Variants in SCLY observed in about 807,000 individuals in gnomAD.
SCLY encodes the protein selenocysteine lyase.
Under a neutral mutation model 50.1 loss-of-function variants are expected in SCLY, and 38 were observed. The ratio of observed to expected loss-of-function variants is 0.76; its 90% CI spans 0.59 to 0.99. SCLY has a LOEUF of 0.99. Among genes scored for constraint, SCLY ranks in the 50% least tolerant of loss-of-function variants. The pLI, the probability that SCLY is intolerant of heterozygous loss-of-function variation, is 0.00. For missense variants in SCLY, 600 were observed against 620.0 expected, an observed-to-expected ratio of 0.97 and a Z score of 0.34; for synonymous variants, 243 against 249.4, an observed-to-expected ratio of 0.97 and a Z score of 0.24.
In SCLY at chr2:238,064,433, G is replaced by A; in HGVS notation, c.166G>A (p.Glu56Lys). 1 of 1,610,308 alleles carries A rather than the reference G, an allele frequency of 6.2e-7. No individual in the cohort carries two copies. Among genetic ancestry groups the A allele is most frequent in the Non-Finnish European group, 8.5e-7 (1 of 1,178,478 alleles). The change falls in exon 2 of 12, where the codon GAA becomes AAA. Residue 56 changes from glutamate to lysine, a missense_variant. Transcript: ENST00000254663. ...CCAGGCCATGACCAAGGCCATGTGG[G>A]AAGCCTGGGGAAATCCCAGCAGCCC... is the stretch of plus-strand genomic sequence containing the variant. ...VIQAMTKAMW[E>K]AWGNPSSPYS...
intron 3 of SCLY, among the ~76,000 whole-genome samples, chr2:238,068,713 T>C (rs887527470): frequency 6.6e-6 from 1 of 152,252 alleles, no homozygotes; most frequent in African/African-American, 2.4e-5. Flanking sequence ...TCCCCGTCAT[T>C]GTTGCCCTGG....
rs1691345678 is a variant in SCLY, at chr2:238,098,647, G to GAACCGCCCACATA, written c.*292_*293insAACCGCCCACATA. The GAACCGCCCACATA allele has an allele frequency of 1.2e-3, 234 of 200,358 alleles. 11 individuals carry two copies. Among genetic ancestry groups the GAACCGCCCACATA allele is most frequent in the Non-Finnish European group, 1.5e-3 (163 of 109,294 alleles). The allele number at this position is 200,358 out of a possible 1,614,324, so 12.4% of individuals were successfully genotyped here. A position where few individuals can be genotyped will look rare whatever the true frequency, so the allele number is the denominator to read the frequency against. The stretch of plus-strand genomic sequence containing the variant: ...ACCGCCCACATGGGACCGCCCACAT[G>GAACCGCCCACATA]GGACCGCCCACATAGAACCGTCCTC... On this transcript the variant is annotated 3_prime_UTR_variant, in exon 12 of 12. Transcript: ENST00000254663.
At chr2:238,096,750 G>A in intron 10 of SCLY, 51 bp from the exon 11 acceptor site, 1 of 1,567,516 alleles carries the variant, frequency 6.4e-7, no homozygotes, top group East Asian at 2.4e-5. Context: ...AGGGACAGAA[G>A]GGCAACCTGG....
chr2:238,097,215 C>G (rs951386647), intron 11 of SCLY, among the ~76,000 whole-genome samples: 42 of 152,074 alleles, frequency 2.8e-4, no homozygotes, highest in African/African-American at 1.0e-3. Flanking sequence ...TCAGTGCTTA[C>G]TTAAACCTCA....
At chr2:238,065,606 T>C (rs1293252380) in intron 2 of SCLY, among the ~76,000 whole-genome samples, 5 of 151,038 alleles carry the variant, frequency 3.3e-5, no homozygotes, top group African/African-American at 1.2e-4. Context: ...AATCAATTTA[T>C]AGAGTGGTTT....
intron 5 of SCLY, 37 bp downstream of exon 5, chr2:238,081,873 T>C (rs1286420087): frequency 6.2e-7 from 1 of 1,606,506 alleles, no homozygotes; most frequent in Non-Finnish European, 8.5e-7. Flanking sequence ...GGAGAGCTCA[T>C]GGGGAAGAAC....
At chr2:238,091,541 C>CG in intron 8 of SCLY, 8 of 411,574 alleles carry the variant, frequency 1.9e-5, no homozygotes, top group Admixed American at 3.8e-5. Flanking sequence ...TGTCAAGCTG[C>CG]AGGTTCACCA....
Position 238,083,047 on chromosome 2 carries a change from C to T in SCLY, c.778-201C>T, listed in dbSNP as rs2065254216. 1.5e-6 allele frequency: 1 copy of T among 668,152 alleles called. No homozygotes were observed. The highest frequency in any genetic ancestry group is 3.0e-5 in the East Asian group (1 of 33,500). 41.4% of individuals were successfully genotyped at this position (668,152 alleles called of 1,614,324 possible). ...CGAGAGTCTAGCACCTGCGCTGCCT[C>T]CTAGGTTGGGGTTCCACCCTGCCCC... On this transcript the variant is annotated intron_variant, in intron 6 of 11. Transcript: ENST00000254663. The surrounding 1 kb of genome is among the most constrained non-coding windows in gnomAD (Gnocchi z 4.3).
At chr2:238,070,007 G>A (rs989450448) in intron 4 of SCLY, among the ~76,000 whole-genome samples, 2 of 152,224 alleles carry the variant, frequency 1.3e-5, no homozygotes, top group Non-Finnish European at 1.5e-5. Flanking sequence ...CCCATGACGC[G>A]AGGCCTCCTG....
chr2:238,066,048 A>C lies in SCLY; in HGVS notation c.202+1579A>C, dbSNP rs2065068818. 6.6e-6 allele frequency among the ~76,000 whole-genome samples: 1 copy of C among 152,218 alleles called. No individual in the cohort carries two copies. The stretch of plus-strand genomic sequence containing the variant: ...AGGATGTGGGGATTTTACATACCTA[A>C]GATATTTATCACAGTCTTGCTTATA... On this transcript the variant is annotated intron_variant, in intron 2 of 11. Coordinates refer to ENST00000254663, the MANE Select transcript of SCLY (RefSeq NM_016510.7). The surrounding 1 kb of genome is among the most constrained non-coding windows in gnomAD (Gnocchi z 4.1).
chr2:238,091,407 G>A, intron 8 of SCLY, 153 bp downstream of exon 8: 1 of 735,724 alleles, frequency 1.4e-6, no homozygotes, highest in Admixed American at 2.1e-5. Flanking sequence ...TTATCAACCT[G>A]GAGAGCTGTA....
In SCLY at chr2:238,066,748, A is replaced by G. The variant is rs1029444261; in HGVS notation, c.203-1317A>G. ...GATGGAGTTGCCATTTCCTGAGTGT[A>G]TTAGTCTGTTCTCATGCTGCTAATG... On this transcript the variant is annotated intron_variant, in intron 2 of 11. Coordinates refer to ENST00000254663, the MANE Select transcript of SCLY (RefSeq NM_016510.7). This position sits in a 1 kb window ranked among gnomAD's most constrained non-coding sequence, Gnocchi z 4.1. Among the ~76,000 whole-genome samples, 3 of 152,176 alleles carry G rather than the reference A, an allele frequency of 2.0e-5. No individual in the cohort carries two copies. The highest frequency in any genetic ancestry group is 1.3e-4 in the Admixed American group (2 of 15,270).
At chr2:238,070,207 A>C (rs1190232315) in intron 4 of SCLY, among the ~76,000 whole-genome samples, 1 of 149,288 alleles carries the variant, frequency 6.7e-6, no homozygotes, top group Non-Finnish European at 1.5e-5. Flanking sequence ...TTAACTTGTA[A>C]AAATGGGGCA....
At chr2:238,094,847 C>G (rs2065409589) in intron 10 of SCLY, 1 of 310,084 alleles carries the variant, frequency 3.2e-6, no homozygotes, top group African/African-American at 2.1e-5. Context: ...AGACATTTGT[C>G]TATTTTGTTG....
At chr2:238,096,565 G>A in intron 10 of SCLY, among the ~76,000 whole-genome samples, 1 of 152,266 alleles carries the variant, frequency 6.6e-6, no homozygotes, top group East Asian at 1.9e-4. Flanking sequence ...CGATTTTCAA[G>A]GCCAGCTTTG....
intron 4 of SCLY, among the ~76,000 whole-genome samples, chr2:238,072,553 T>C (rs944308724): frequency 6.6e-6 from 1 of 152,226 alleles, no homozygotes; most frequent in Non-Finnish European, 1.5e-5. Context: ...ATTTGTTATC[T>C]GTCTTTTTGA....
intron 7 of SCLY, among the ~76,000 whole-genome samples, chr2:238,088,903 C>G (rs2065330150): frequency 6.6e-6 from 1 of 152,156 alleles, no homozygotes; most frequent in Non-Finnish European, 1.5e-5. Context: ...CAGCATAGTG[C>G]TGGAAGTTCT....
chr2:238,073,883 AT>A, intron 4 of SCLY: 1 of 415,836 alleles, frequency 2.4e-6, no homozygotes, highest in Non-Finnish European at 4.7e-6. Context: ...TTTTCTTAGT[AT>A]TTTTTCTCTA....
chr2:238,069,287 A>G lies in SCLY; in HGVS notation c.304-10A>G, dbSNP rs974147730. On this transcript the variant is annotated splice_polypyrimidine_tract_variant and intron_variant, in intron 3 of 11. Transcript: ENST00000254663. This position sits in a 1 kb window ranked among gnomAD's most constrained non-coding sequence, Gnocchi z 5.0. ...TTTTTGTAAATGCTTTTTTTGCTGT[A>G]TCTCTGCAGTCAAATAATTTAGTAA... is the stretch of plus-strand genomic sequence containing the variant. The G allele has an allele frequency of 1.1e-5, 17 of 1,611,044 alleles. No homozygotes were observed. The African/African-American group carries it at 1.2e-4, about 11-fold the overall frequency.
Sources: allele counts gnomAD v4.1 joint callset (sites outside exome capture counted in the v4.1 genomes callset), GRCh38; gene constraint gnomAD v4.1.1; non-coding constraint Gnocchi (gnomAD v3.1); transcripts MANE v1.5; gene names NCBI Gene and HGNC (gene_info 2026-07-23, HGNC 2026-07-21).